The following LMLN variants were observed in gnomAD, a reference collection of about 807,000 sequenced individuals.
The protein encoded by LMLN is leishmanolysin like peptidase, also known as leishmanolysin-like peptidase.
A neutral mutation model predicts 92.3 loss-of-function variants in LMLN; 70 were observed. That is an observed-to-expected ratio of 0.76 (90% CI 0.63 to 0.92). The LOEUF is 0.92. LMLN is among the 40% of genes least tolerant of loss of function. The pLI is 0.00. For synonymous variants in LMLN, 308 were observed against 296.2 expected (o/e 1.04, Z -0.41); for missense variants, 691 against 814.6 (o/e 0.85, Z 1.85).
chr3:198,030,896 G>T (rs1052601051), intron 14 of LMLN, among the ~76,000 whole-genome samples: 1 of 151,790 alleles, frequency 6.6e-6, no homozygotes, highest in African/African-American at 2.4e-5. Context: ...TGCCCTCAGG[G>T]TCTTCAGCTA....
intron 11 of LMLN, among the ~76,000 whole-genome samples, chr3:198,011,707 C>T (rs1332900272): frequency 6.6e-6 from 1 of 151,144 alleles, no homozygotes; most frequent in Non-Finnish European, 1.5e-5. Flanking sequence ...ACACTGACTT[C>T]CACAATGGTT....
At chr3:197,995,817 C>T (rs1343535070) in intron 9 of LMLN, among the ~76,000 whole-genome samples, 4 of 152,152 alleles carry the variant, frequency 2.6e-5, no homozygotes, top group African/African-American at 9.6e-5. Context: ...ATCATAACAT[C>T]ACTCTGTACT....
intron 8 of LMLN, among the ~76,000 whole-genome samples, chr3:197,988,564 G>T (rs1347922846): frequency 7.0e-6 from 1 of 143,822 alleles, no homozygotes; most frequent in Non-Finnish European, 1.5e-5. Context: ...CATGATCACG[G>T]CTTACTGCAG....
intron 11 of LMLN, among the ~76,000 whole-genome samples, chr3:198,005,639 T>TC (rs1004102953): frequency 4.0e-5 from 5 of 123,484 alleles, no homozygotes; most frequent in African/African-American, 1.6e-4. Context: ...TTTCTTTTTC[T>TC]TTTTTTTTTT....
At chr3:198,026,938 G>A (rs1044608816) in intron 14 of LMLN, among the ~76,000 whole-genome samples, 2 of 152,098 alleles carry the variant, frequency 1.3e-5, no homozygotes, top group African/African-American at 4.8e-5. Context: ...GGCCCTCTTA[G>A]TAAGGTAGGA....
intron 8 of LMLN, among the ~76,000 whole-genome samples, chr3:197,988,602 T>C (rs1721780058): frequency 6.6e-6 from 1 of 151,238 alleles, no homozygotes; most frequent in African/African-American, 2.4e-5. Context: ...TCAGGTGATC[T>C]TCCCACCTCA....
chr3:197,982,081 C>T (rs1560138271), intron 6 of LMLN, among the ~76,000 whole-genome samples: 1 of 152,096 alleles, frequency 6.6e-6, no homozygotes, highest in Non-Finnish European at 1.5e-5. Context: ...GTTAGGATTA[C>T]AGGTGTGAGC....
intron 13 of LMLN, among the ~76,000 whole-genome samples, chr3:198,024,044 T>C (rs1722852441): frequency 1.3e-5 from 2 of 152,120 alleles, no homozygotes; most frequent in Non-Finnish European, 2.9e-5. Flanking sequence ...GTGAAGATGA[T>C]TTTATCTTGG....
Position 198,019,510 on chromosome 3 carries a change from GA to G in LMLN, c.1365+132del, listed in dbSNP as rs1176624159. 8 of 895,904 alleles carry G rather than the reference GA, an allele frequency of 8.9e-6. No homozygotes were observed. The highest frequency in any genetic ancestry group is 6.8e-5 in the Admixed American group (2 of 29,592). 55.5% of individuals were successfully genotyped at this position (895,904 alleles called of 1,614,324 possible). On this transcript the variant is annotated intron_variant, in intron 12 of 15. Transcript: ENST00000330198. The surrounding 1 kb of genome is among the most constrained non-coding windows in gnomAD (Gnocchi z 5.5). Reference sequence around the variant, plus strand: ...GGCCTTGTTTGTTTTCTGTAAGTTAGAAAAAAATGGAATAATGCTTCCATTT... The same window carrying G: ...GGCCTTGTTTGTTTTCTGTAAGTTAGAAAAAATGGAATAATGCTTCCATTT...
At chr3:198,023,966 C>T (rs994043477) in intron 13 of LMLN, among the ~76,000 whole-genome samples, 2 of 152,178 alleles carry the variant, frequency 1.3e-5, no homozygotes, top group Non-Finnish European at 2.9e-5. Flanking sequence ...CAAAAGTCTG[C>T]ATTATATAAA....
intron 13 of LMLN, among the ~76,000 whole-genome samples, chr3:198,023,409 A>C (rs1168042606): frequency 2.6e-5 from 4 of 152,044 alleles, no homozygotes; most frequent in South Asian, 4.1e-4. Context: ...GACTGGCCTC[A>C]AACTCCTGGC....
rs756783683 is a variant in LMLN, at chr3:197,990,688, C to G, written c.1047+12C>G. The G allele has an allele frequency of 2.4e-6, 3 of 1,259,850 alleles. No homozygotes were observed. Among genetic ancestry groups the G allele is most frequent in the East Asian group, 4.6e-5 (2 of 43,188 alleles). 78.0% of individuals were successfully genotyped at this position (1,259,850 alleles called of 1,614,324 possible). A position where few individuals can be genotyped will look rare whatever the true frequency, so the allele number is the denominator to read the frequency against. On this transcript the variant is annotated intron_variant, in intron 9 of 15. Transcript: ENST00000330198. ...CGCCTCGTGTTGTTGTAAGTATTAT[C>G]AGACTTCATGTCTCATGAGCCATCT... is the stretch of plus-strand genomic sequence containing the variant.
chr3:198,029,901 C>CATG (rs1723033537), intron 14 of LMLN, among the ~76,000 whole-genome samples: 1 of 151,904 alleles, frequency 6.6e-6, no homozygotes, highest in South Asian at 2.1e-4. Flanking sequence ...GTGCAGGTGG[C>CATG]ATGATCCCTC....
chr3:197,972,942 G>T (rs73894236), intron 1 of LMLN, among the ~76,000 whole-genome samples: 1 of 151,982 alleles, frequency 6.6e-6, no homozygotes, highest in South Asian at 2.1e-4. Flanking sequence ...TAATTTTCTG[G>T]TGATACAAGT....
At chr3:197,989,639 C>T in intron 8 of LMLN, among the ~76,000 whole-genome samples, 1 of 152,172 alleles carries the variant, frequency 6.6e-6, no homozygotes, top group African/African-American at 2.4e-5. Context: ...TGAACTTGAA[C>T]AAGTTACTTC....
Position 198,018,500 on chromosome 3 carries a change from C to T in LMLN, c.1233-753C>T, listed in dbSNP as rs553927412. On this transcript the variant is annotated intron_variant, in intron 11 of 15. Transcript: ENST00000330198. The stretch of plus-strand genomic sequence containing the variant: ...GCCTTTGCTTTCCTGTTAGGCTGTG[C>T]TGCTTCCCATTTGCTGAAGACTGTG... Among the ~76,000 whole-genome samples, 5 of 152,326 alleles carry T rather than the reference C, an allele frequency of 3.3e-5. No individual in the cohort carries two copies. In the South Asian group the frequency reaches 1.0e-3, roughly 32 times the overall value.
chr3:198,007,371 G>T (rs2109911649), intron 11 of LMLN, among the ~76,000 whole-genome samples: 1 of 152,312 alleles, frequency 6.6e-6, no homozygotes, highest in East Asian at 1.9e-4. Flanking sequence ...GGGAGACTTA[G>T]ATCAAGGTTT....
intron 1 of LMLN, among the ~76,000 whole-genome samples, chr3:197,962,170 G>GT (rs896427235): frequency 3.6e-4 from 53 of 148,320 alleles, no homozygotes; most frequent in South Asian, 1.5e-3. Flanking sequence ...TTTTCTAATT[G>GT]TTTTTTTTTT....
rs765939962 is a variant in LMLN at position 198,038,536 on chromosome 3, TAG to T, written c.1868-29_1868-28del. On this transcript the variant is annotated intron_variant, in intron 15 of 15. Transcript: ENST00000330198. ...GTATGATTTATCCCAAAATTGTTTA[TAG>T]AAAGTCAGTTTTTTGTTTTCAACTC... 10 of 1,484,362 alleles carry T rather than the reference TAG, an allele frequency of 6.7e-6. No homozygotes were observed. In the African/African-American group the frequency reaches 1.2e-4, roughly 18 times the overall value. 91.9% of individuals were successfully genotyped at this position (1,484,362 alleles called of 1,614,324 possible).
Sources: allele counts gnomAD v4.1 joint callset (sites outside exome capture counted in the v4.1 genomes callset), GRCh38; gene constraint gnomAD v4.1.1; non-coding constraint Gnocchi (gnomAD v3.1); transcripts MANE v1.5; gene names NCBI Gene and HGNC (gene_info 2026-07-23, HGNC 2026-07-21).